Variants in ARHGAP15 observed in about 807,000 individuals in gnomAD.
ARHGAP15 encodes the protein Rho GTPase activating protein 15.
In ARHGAP15, 51 loss-of-function variants were observed where a neutral mutation model predicts 63.7. That is an observed-to-expected ratio of 0.80 (90% CI 0.64 to 1.01). The LOEUF (loss-of-function observed/expected upper bound fraction) is 1.01. Ranked by LOEUF, ARHGAP15 falls within the 50% of genes least tolerant of loss-of-function variation. The probability of loss-of-function intolerance (pLI) is 0.00; values close to 1 mark genes in which losing one functional copy is unlikely to be tolerated. For missense variants in ARHGAP15, 560 were observed against 564.6 expected, an observed-to-expected ratio of 0.99 and a Z score of 0.08; for synonymous variants, 191 against 193.8, an observed-to-expected ratio of 0.99 and a Z score of 0.12.
chr2:143,519,305 G>A lies in ARHGAP15; in HGVS notation c.866G>A (p.Arg289His), dbSNP rs765197653. Residue 289 changes from arginine to histidine, a missense_variant, in exon 10 of 14, where the codon CGT (arginine) becomes CAT (histidine). Coordinates refer to ENST00000295095, the MANE Select transcript of ARHGAP15 (RefSeq NM_018460.4). ...FGSHLHKVCE[R>H]ENSTVPWFVK... Reference sequence around the variant, plus strand: ...TCTCATCTGCACAAAGTGTGTGAACGTGAAAATTCCACAGTTCCGTGGTTT... The same window carrying A: ...TCTCATCTGCACAAAGTGTGTGAACATGAAAATTCCACAGTTCCGTGGTTT... 44 of 1,612,986 alleles carry A rather than the reference G, an allele frequency of 2.7e-5. No homozygotes were observed. The Middle Eastern group carries it at 4.9e-4, about 18-fold the overall frequency.
chr2:143,659,387 A>G (rs547166419), intron 12 of ARHGAP15, among the ~76,000 whole-genome samples: 2 of 152,254 alleles, frequency 1.3e-5, no homozygotes, highest in Non-Finnish European at 2.9e-5. Context: ...CAGCTTAAAT[A>G]TATTCATCTT....
At chr2:143,560,586 G>C (rs1283845535) in intron 11 of ARHGAP15, among the ~76,000 whole-genome samples, 2 of 152,182 alleles carry the variant, frequency 1.3e-5, no homozygotes, top group Non-Finnish European at 2.9e-5. Context: ...TAAAAGCAGA[G>C]ATTAGTCTTT....
intron 8 of ARHGAP15, among the ~76,000 whole-genome samples, chr2:143,451,031 T>C (rs1690381607): frequency 6.6e-6 from 1 of 151,950 alleles, no homozygotes; most frequent in Non-Finnish European, 1.5e-5. Flanking sequence ...CTTTTGTATA[T>C]CCTCTCTCTC....
chr2:143,246,946 G>A (rs1490196223), intron 5 of ARHGAP15, among the ~76,000 whole-genome samples: 2 of 152,134 alleles, frequency 1.3e-5, no homozygotes, highest in African/African-American at 4.8e-5. Flanking sequence ...GACAGGGTTT[G>A]GATTGTGATA....
intron 9 of ARHGAP15, among the ~76,000 whole-genome samples, chr2:143,504,333 A>G (rs1365075918): frequency 6.6e-6 from 1 of 152,216 alleles, no homozygotes; most frequent in Admixed American, 6.5e-5. Context: ...CACTGGGCCT[A>G]CAAAGATGTA....
At chr2:143,334,169 A>G (rs1684671441) in intron 6 of ARHGAP15, among the ~76,000 whole-genome samples, 1 of 152,224 alleles carries the variant, frequency 6.6e-6, no homozygotes, top group African/African-American at 2.4e-5. Flanking sequence ...GAATTAATCT[A>G]GAAAATATAG....
rs189978111 is a variant in ARHGAP15 at position 143,182,786 on chromosome 2, G to A, written c.166-19348G>A. ...CTCACAAGGACTTAGGTGAGATGGC[G>A]TTATGTAATAAGAGATCTGACTGTA... On this transcript the variant is annotated intron_variant, in intron 2 of 13. Coordinates refer to ENST00000295095, the MANE Select transcript of ARHGAP15 (RefSeq NM_018460.4). Among the ~76,000 whole-genome samples, 8 of 152,250 alleles carry A rather than the reference G, an allele frequency of 5.3e-5. No individual in the cohort carries two copies. The East Asian group carries it at 1.3e-3, about 26-fold the overall frequency.
chr2:143,453,566 GTTATC>G (rs1019311538), intron 8 of ARHGAP15, among the ~76,000 whole-genome samples: 5 of 151,908 alleles, frequency 3.3e-5, no homozygotes, highest in African/African-American at 1.2e-4. Flanking sequence ...TTAAGAAAAT[GTTATC>G]TTAAAGATAA....
chr2:143,273,721 T>G (rs1402411193), intron 6 of ARHGAP15, among the ~76,000 whole-genome samples: 3 of 152,166 alleles, frequency 2.0e-5, no homozygotes, highest in African/African-American at 7.2e-5. Context: ...CTTCTGCTAA[T>G]CTTACTTTGT....
At chr2:143,374,726 C>T (rs931904840) in intron 6 of ARHGAP15, among the ~76,000 whole-genome samples, 5 of 152,124 alleles carry the variant, frequency 3.3e-5, no homozygotes, top group Admixed American at 3.3e-4. Context: ...TGGTCTCAAC[C>T]TCCTGGGCTT....
intron 6 of ARHGAP15, among the ~76,000 whole-genome samples, chr2:143,322,331 A>G (rs1684060928): frequency 6.6e-6 from 1 of 152,204 alleles, no homozygotes; most frequent in African/African-American, 2.4e-5. Flanking sequence ...AAATAAGCTA[A>G]TACATTTACT....
intron 13 of ARHGAP15, among the ~76,000 whole-genome samples, chr2:143,748,378 C>CTA (rs1686247128): frequency 1.3e-5 from 2 of 152,126 alleles, no homozygotes; most frequent in African/African-American, 2.4e-5. Context: ...ACATTGATAA[C>CTA]TAAATCACTC....
intron 8 of ARHGAP15, among the ~76,000 whole-genome samples, chr2:143,473,216 A>C (rs1324164296): frequency 1.3e-5 from 2 of 152,146 alleles, no homozygotes; most frequent in African/African-American, 4.8e-5. Flanking sequence ...GGAGCAATAA[A>C]TTTCCATTTT....
At chr2:143,374,511 G>C (rs990479699) in intron 6 of ARHGAP15, among the ~76,000 whole-genome samples, 10 of 151,888 alleles carry the variant, frequency 6.6e-5, no homozygotes, top group Non-Finnish European at 5.9e-5. Context: ...GGGGGTTTCT[G>C]TTTGCTTTTT....
intron 6 of ARHGAP15, among the ~76,000 whole-genome samples, chr2:143,428,108 G>A (rs946463165): frequency 3.9e-5 from 6 of 152,068 alleles, no homozygotes; most frequent in Non-Finnish European, 8.8e-5. Flanking sequence ...AGATAAAGGA[G>A]AAGCAGGATG....
At chr2:143,603,514 G>A (rs368758373) in intron 11 of ARHGAP15, among the ~76,000 whole-genome samples, 3 of 152,048 alleles carry the variant, frequency 2.0e-5, no homozygotes, top group East Asian at 3.9e-4. Context: ...CCCCTCTGTC[G>A]ATGTATCTTT....
chr2:143,497,321 T>C (rs566390654), intron 9 of ARHGAP15, among the ~76,000 whole-genome samples: 3 of 152,306 alleles, frequency 2.0e-5, no homozygotes, highest in African/African-American at 7.2e-5. Context: ...GTGTTAGAAG[T>C]CTGCTGCGCT....
At chr2:143,732,929 T>C in intron 13 of ARHGAP15, among the ~76,000 whole-genome samples, 1 of 148,874 alleles carries the variant, frequency 6.7e-6, no homozygotes, top group Non-Finnish European at 1.5e-5. Context: ...TTTTTTTTTT[T>C]TGAGCACACC....
At chr2:143,766,887 C>T (rs572256704) in intron 13 of ARHGAP15, 17 of 152,254 alleles carry the variant, frequency 1.1e-4, no homozygotes, top group Admixed American at 1.0e-3. Flanking sequence ...CTTTCTGCCA[C>T]CTGTAATTCA....
Sources: gnomAD v4.1 joint callset for allele counts (sites outside exome capture counted in the v4.1 genomes callset) on GRCh38, gnomAD v4.1.1 for gene constraint, MANE v1.5 for transcripts, NCBI Gene and HGNC (gene_info 2026-07-23, HGNC 2026-07-21) for gene names.